The following AUTS2 variants were observed in gnomAD, a reference collection of about 807,000 sequenced individuals.
AUTS2 encodes activator of transcription and developmental regulator AUTS2, also known as autism susceptibility gene 2 protein.
Under a neutral mutation model 112.4 loss-of-function variants are expected in AUTS2, and 17 were observed. That is an observed-to-expected ratio of 0.15 (90% CI 0.10 to 0.23). AUTS2 has a LOEUF of 0.23. Among genes scored for constraint, AUTS2 ranks in the 10% least tolerant of loss-of-function variants. The probability of loss-of-function intolerance (pLI) is 1.00; values close to 1 mark genes in which losing one functional copy is unlikely to be tolerated. For synonymous variants in AUTS2, 751 were observed against 702.7 expected (o/e 1.07, Z -1.09); for missense variants, 1,510 against 1,701.6 (o/e 0.89, Z 1.98).
At chr7:70,346,400 C>G (rs1791498524) in intron 4 of AUTS2, among the ~76,000 whole-genome samples, 1 of 152,182 alleles carries the variant, frequency 6.6e-6, no homozygotes. Context: ...TGAGGCCAGT[C>G]TGATCTGACA....
intron 2 of AUTS2, among the ~76,000 whole-genome samples, chr7:70,096,439 A>G (rs1804203113): frequency 6.6e-6 from 1 of 151,916 alleles, no homozygotes. Flanking sequence ...TCTACTAAAA[A>G]TACAAAAAAT....
At chr7:70,739,037 TGA>T (rs1787947624) in intron 6 of AUTS2, among the ~76,000 whole-genome samples, 1 of 91,986 alleles carries the variant, frequency 1.1e-5, no homozygotes. Flanking sequence ...TTTTTTTTTT[TGA>T]GAGAGAGACA....
intron 1 of AUTS2, among the ~76,000 whole-genome samples, chr7:69,784,905 T>C (rs578246544): frequency 1.3e-5 from 2 of 152,292 alleles, no homozygotes; most frequent in South Asian, 4.1e-4. Context: ...TTCTAGGTAC[T>C]GGGTTTACAG....
At chr7:70,227,714 T>A (rs1342355142) in intron 4 of AUTS2, among the ~76,000 whole-genome samples, 1 of 152,160 alleles carries the variant, frequency 6.6e-6, no homozygotes, top group Admixed American at 6.5e-5. Flanking sequence ...TATTTAGAAG[T>A]CTATTGACAT....
chr7:69,622,110 T>A (rs1264677146), intron 1 of AUTS2, among the ~76,000 whole-genome samples: 1 of 152,206 alleles, frequency 6.6e-6, no homozygotes, highest in African/African-American at 2.4e-5. Flanking sequence ...TTTGTTTTTG[T>A]TTGTTTTTTC....
chr7:69,678,520 A>T (rs922182201), intron 1 of AUTS2, among the ~76,000 whole-genome samples: 3 of 152,174 alleles, frequency 2.0e-5, no homozygotes, highest in Non-Finnish European at 2.9e-5. Context: ...ATCATGGCGA[A>T]ATGGTGTTAT....
chr7:70,239,616 G>A (rs984559702), intron 4 of AUTS2, among the ~76,000 whole-genome samples: 1 of 152,042 alleles, frequency 6.6e-6, no homozygotes, highest in East Asian at 1.9e-4. Flanking sequence ...TGTATTTTTA[G>A]TAGAGACAGG....
intron 4 of AUTS2, among the ~76,000 whole-genome samples, chr7:70,299,367 C>T (rs1442833422): frequency 9.9e-5 from 15 of 152,122 alleles, no homozygotes; most frequent in South Asian, 4.2e-4. Context: ...ACCCTGAGTT[C>T]GGAATAGATC....
chr7:70,564,549 T>C (rs764772046), intron 5 of AUTS2, among the ~76,000 whole-genome samples: 1 of 152,218 alleles, frequency 6.6e-6, no homozygotes, highest in Admixed American at 6.5e-5. Flanking sequence ...AGTCTATTAA[T>C]ATATTCACCA....
intron 5 of AUTS2, among the ~76,000 whole-genome samples, chr7:70,498,844 A>G (rs1286742083): frequency 6.6e-6 from 1 of 152,182 alleles, no homozygotes; most frequent in East Asian, 1.9e-4. Flanking sequence ...GATTAGATTC[A>G]GCTAAATGCA....
intron 5 of AUTS2, among the ~76,000 whole-genome samples, chr7:70,550,737 A>G (rs757633410): frequency 9.9e-5 from 15 of 152,206 alleles, no homozygotes; most frequent in Non-Finnish European, 2.2e-4. Context: ...ACAAATAGTC[A>G]CATATAGAAA....
At chr7:70,286,925 A>AG (rs1247216838) in intron 4 of AUTS2, among the ~76,000 whole-genome samples, 3 of 152,178 alleles carry the variant, frequency 2.0e-5, no homozygotes, top group Non-Finnish European at 4.4e-5. Flanking sequence ...CTTTGATCAT[A>AG]GGGGTCTCTT....
chr7:70,475,274 C>A (rs1257786459), intron 5 of AUTS2, among the ~76,000 whole-genome samples: 1 of 152,176 alleles, frequency 6.6e-6, no homozygotes, highest in Non-Finnish European at 1.5e-5. Context: ...AAGATCTTTG[C>A]GTGAAATTGA....
rs1357198274 is a variant in AUTS2 at position 70,606,840 on chromosome 7, C to A, written c.691-91729C>A. 3.5e-5 allele frequency among the ~76,000 whole-genome samples: 5 copies of A among 143,106 alleles called. 1 individual carries two copies. The South Asian group carries it at 1.1e-3, about 32-fold the overall frequency. 93.9% of individuals were successfully genotyped at this position (143,106 alleles called of 152,430 possible). On this transcript the variant is annotated intron_variant, in intron 5 of 18. Coordinates refer to ENST00000342771, the MANE Select transcript of AUTS2 (RefSeq NM_015570.4). ...TTGTGCCACTGTACTCCAGCCTGGG[C>A]GACAAGCGAGACTCTGTCTCAAGAA...
chr7:70,274,787 G>T (rs956017277), intron 4 of AUTS2, among the ~76,000 whole-genome samples: 5 of 152,106 alleles, frequency 3.3e-5, no homozygotes, highest in African/African-American at 1.2e-4. Context: ...AAAAGGTTAA[G>T]GTTCTCAAAG....
chr7:69,659,051 A>C (rs1489152314), intron 1 of AUTS2, among the ~76,000 whole-genome samples: 2 of 152,258 alleles, frequency 1.3e-5, no homozygotes, highest in African/African-American at 4.8e-5. Context: ...AGCAACTGGC[A>C]GATGTTTGGT....
At chr7:70,476,292 G>C (rs1235542941) in intron 5 of AUTS2, among the ~76,000 whole-genome samples, 3 of 152,046 alleles carry the variant, frequency 2.0e-5, no homozygotes, top group African/African-American at 7.2e-5. Flanking sequence ...AGCTCTGTGA[G>C]CCCTCACGTG....
intron 5 of AUTS2, among the ~76,000 whole-genome samples, chr7:70,553,324 T>C (rs1801092310): frequency 1.3e-5 from 2 of 152,210 alleles, no homozygotes; most frequent in South Asian, 4.1e-4. Flanking sequence ...GTGCCACAGT[T>C]TTTTAGAAAT....
chr7:69,983,323 G>A (rs1798372903), intron 2 of AUTS2, among the ~76,000 whole-genome samples: 1 of 151,368 alleles, frequency 6.6e-6, no homozygotes, highest in Non-Finnish European at 1.5e-5. Flanking sequence ...TCCCTTGTTT[G>A]GGGGCATTTA....
Sources: allele counts gnomAD v4.1 joint callset (sites outside exome capture counted in the v4.1 genomes callset), GRCh38; gene constraint gnomAD v4.1.1; transcripts MANE v1.5; gene names NCBI Gene and HGNC (gene_info 2026-07-23, HGNC 2026-07-21).